OTUD7A: variants seen among roughly 807,000 people sequenced by gnomAD.
OTUD7A encodes the protein OTU deubiquitinase 7A.
OTUD7A carries 12 observed loss-of-function variants against 65.7 expected under a neutral mutation model. The observed-to-expected ratio is 0.18, with a 90% confidence interval of 0.12 to 0.30. The LOEUF (loss-of-function observed/expected upper bound fraction) is 0.30, where lower values mean the gene tolerates loss of function less well. Among genes scored for constraint, OTUD7A ranks in the 10% least tolerant of loss-of-function variants. OTUD7A has a pLI of 1.00. For missense variants in OTUD7A, 1,148 were observed against 1,304.8 expected, an observed-to-expected ratio of 0.88 and a Z score of 1.85; for synonymous variants, 641 against 586.3, an observed-to-expected ratio of 1.09 and a Z score of -1.35.
intron 2 of OTUD7A, among the ~76,000 whole-genome samples, chr15:31,656,205 G>A (rs1305274544): frequency 1.3e-5 from 2 of 152,192 alleles, no homozygotes; most frequent in Non-Finnish European, 2.9e-5. Flanking sequence ...GCTGACTGCT[G>A]GGGAAAAGCA....
At chr15:31,808,239 T>C (rs1176888626) in intron 1 of OTUD7A, among the ~76,000 whole-genome samples, 1 of 151,574 alleles carries the variant, frequency 6.6e-6, no homozygotes, top group Non-Finnish European at 1.5e-5. Flanking sequence ...GTCAAAGCAA[T>C]GAAATAAAAC....
intron 3 of OTUD7A, among the ~76,000 whole-genome samples, chr15:31,602,525 T>C (rs959485567): frequency 5.9e-5 from 9 of 152,170 alleles, no homozygotes; most frequent in Admixed American, 3.3e-4. Flanking sequence ...ACTGGAAGCA[T>C]TCCCTTTGAA....
At chr15:31,539,760 GTGTA>G (rs1265344131) in intron 5 of OTUD7A, among the ~76,000 whole-genome samples, 1 of 152,208 alleles carries the variant, frequency 6.6e-6, no homozygotes, top group African/African-American at 2.4e-5. Context: ...TTCAGAAAAA[GTGTA>G]TGTACTTCCA....
At chr15:31,806,303 T>C (rs1017157655) in intron 1 of OTUD7A, among the ~76,000 whole-genome samples, 1 of 152,246 alleles carries the variant, frequency 6.6e-6, no homozygotes, top group Non-Finnish European at 1.5e-5. Flanking sequence ...GAGTGTCATT[T>C]ATGTGCCTTT....
At chr15:31,718,058 T>C (rs1893638798) in intron 1 of OTUD7A, among the ~76,000 whole-genome samples, 2 of 152,190 alleles carry the variant, frequency 1.3e-5, no homozygotes, top group South Asian at 2.1e-4. Flanking sequence ...TTAGACTCTG[T>C]TGTGTATTGC....
At chr15:31,811,653 G>A (rs1467106540) in intron 1 of OTUD7A, among the ~76,000 whole-genome samples, 3 of 152,090 alleles carry the variant, frequency 2.0e-5, no homozygotes, top group South Asian at 2.1e-4. Flanking sequence ...GGGGCTCCGG[G>A]TGCTGGTTAA....
chr15:31,770,032 T>TC (rs532360978), intron 1 of OTUD7A, among the ~76,000 whole-genome samples: 28 of 152,032 alleles, frequency 1.8e-4, no homozygotes, highest in Non-Finnish European at 4.0e-4. Flanking sequence ...AAGCTAAGCA[T>TC]CCACCTTAAG....
intron 1 of OTUD7A, among the ~76,000 whole-genome samples, chr15:31,825,596 T>A (rs577766541): frequency 1.3e-5 from 2 of 152,152 alleles, no homozygotes; most frequent in South Asian, 4.2e-4. Context: ...CTGCCAAATC[T>A]CATATCCTCA....
chr15:31,687,107 GAAA>G lies in OTUD7A; in HGVS notation c.-99-30033_-99-30031del, dbSNP rs11302415. On this transcript the variant is annotated intron_variant, in intron 1 of 12. Transcript: ENST00000307050. Reference sequence around the variant, plus strand: ...AAACTAAAAGGACTTGATTTAAATAGAAAAAAAAAAAAACCACACATAATCTTC... The same window carrying G: ...AAACTAAAAGGACTTGATTTAAATAGAAAAAAAAAACCACACATAATCTTC... Among the ~76,000 whole-genome samples the G allele has an allele frequency of 3.6e-4, 53 of 146,466 alleles. No individual in the cohort carries two copies. In the South Asian group the frequency reaches 8.8e-3, roughly 24 times the overall value.
intron 1 of OTUD7A, among the ~76,000 whole-genome samples, chr15:31,840,444 T>TA (rs71471867): frequency 4.2e-4 from 61 of 146,028 alleles, no homozygotes; most frequent in African/African-American, 1.2e-3. Context: ...TCTCAAAAAT[T>TA]AAAAAATAAA....
At chr15:31,589,152 C>T (rs1889639573) in intron 3 of OTUD7A, among the ~76,000 whole-genome samples, 1 of 151,858 alleles carries the variant, frequency 6.6e-6, no homozygotes, top group African/African-American at 2.4e-5. Context: ...TGTATGTATA[C>T]ATATACATAC....
intron 1 of OTUD7A, among the ~76,000 whole-genome samples, chr15:31,840,938 A>G (rs1018820467): frequency 2.0e-5 from 3 of 152,220 alleles, no homozygotes; most frequent in Non-Finnish European, 4.4e-5. Context: ...TTGTCACAGT[A>G]CCACGCTGGG....
intron 3 of OTUD7A, among the ~76,000 whole-genome samples, chr15:31,593,237 C>T (rs1297631486): frequency 6.6e-6 from 1 of 151,982 alleles, no homozygotes; most frequent in African/African-American, 2.4e-5. Flanking sequence ...CGATCATTGA[C>T]TTCAAAGTCA....
At chr15:31,865,363 A>AC (rs1454595962) in intron 1 of OTUD7A, among the ~76,000 whole-genome samples, 1 of 152,090 alleles carries the variant, frequency 6.6e-6, no homozygotes, top group African/African-American at 2.4e-5. Flanking sequence ...TGGTTTTTAG[A>AC]CCCCCAAGAT....
intron 1 of OTUD7A, among the ~76,000 whole-genome samples, chr15:31,720,388 G>A (rs1893701674): frequency 6.6e-6 from 1 of 151,256 alleles, no homozygotes; most frequent in Non-Finnish European, 1.5e-5. Context: ...TAACATCATG[G>A]CACAGTAACT....
intron 3 of OTUD7A, among the ~76,000 whole-genome samples, chr15:31,640,313 C>T (rs1403213521): frequency 3.3e-5 from 5 of 152,064 alleles, no homozygotes; most frequent in Non-Finnish European, 7.4e-5. Context: ...GTATACTGCT[C>T]GGGTGATGGG....
At chr15:31,858,536 G>A (rs956314981) in intron 1 of OTUD7A, among the ~76,000 whole-genome samples, 9 of 152,272 alleles carry the variant, frequency 5.9e-5, no homozygotes, top group South Asian at 2.1e-4. Flanking sequence ...ACAAAGACTC[G>A]TCCAAGGAAA....
chr15:31,572,487 C>A (rs556097964), intron 3 of OTUD7A, among the ~76,000 whole-genome samples: 1 of 152,288 alleles, frequency 6.6e-6, no homozygotes, highest in South Asian at 2.1e-4. Flanking sequence ...GAACTACAAC[C>A]TCTAGTACAG....
intron 1 of OTUD7A, among the ~76,000 whole-genome samples, chr15:31,861,324 T>C (rs1010938471): frequency 2.6e-5 from 4 of 152,098 alleles, no homozygotes; most frequent in African/African-American, 7.2e-5. Flanking sequence ...TCAACGGGCA[T>C]GGAAAGAGTC....
Sources: gnomAD v4.1 joint callset for allele counts (sites outside exome capture counted in the v4.1 genomes callset) on GRCh38, gnomAD v4.1.1 for gene constraint, MANE v1.5 for transcripts, NCBI Gene and HGNC (gene_info 2026-07-23, HGNC 2026-07-21) for gene names.